PRDM16: variants seen among roughly 807,000 people sequenced by gnomAD.
The protein encoded by PRDM16 is histone-lysine N-methyltransferase PRDM16.
PRDM16 carries 23 observed loss-of-function variants against 110.6 expected under a neutral mutation model. That is an observed-to-expected ratio of 0.21 (90% CI 0.15 to 0.29). The LOEUF is 0.29. PRDM16 is among the 10% of genes least tolerant of loss of function. PRDM16 has a pLI of 1.00. For synonymous variants in PRDM16, 799 were observed against 781.8 expected (o/e 1.02, Z -0.37); for missense variants, 1,615 against 1,794.3 (o/e 0.90, Z 1.81).
chr1:3,146,547 G>A (rs544258660), intron 1 of PRDM16, among the ~76,000 whole-genome samples: 65 of 142,106 alleles, frequency 4.6e-4, no homozygotes, highest in African/African-American at 1.1e-3. Context: ...ACGTGTGTTC[G>A]GTGTGGGGTG....
At chr1:3,210,149 C>T (rs563076830) in intron 2 of PRDM16, among the ~76,000 whole-genome samples, 7 of 152,322 alleles carry the variant, frequency 4.6e-5, no homozygotes, top group South Asian at 4.1e-4. Context: ...CGCTATGTGC[C>T]GATGTGTTCC....
intron 9 of PRDM16, among the ~76,000 whole-genome samples, chr1:3,414,244 G>A (rs1643742503): frequency 6.6e-6 from 1 of 152,200 alleles, no homozygotes; most frequent in African/African-American, 2.4e-5. Context: ...AGGGGTGCTG[G>A]CAGCCAGGGG....
At chr1:3,280,047 G>A (rs1358821809) in intron 3 of PRDM16, among the ~76,000 whole-genome samples, 2 of 149,044 alleles carry the variant, frequency 1.3e-5, no homozygotes, top group South Asian at 2.1e-4. Context: ...AAACAAGCAG[G>A]GTGAAAAAAA....
At chr1:3,399,050 G>A (rs751319976) in intron 5 of PRDM16, among the ~76,000 whole-genome samples, 9 of 152,162 alleles carry the variant, frequency 5.9e-5, no homozygotes, top group Non-Finnish European at 1.2e-4. Context: ...TTCAGACCAC[G>A]GGGAAGCCAC....
At chr1:3,072,036 A>G (rs1386365533) in intron 1 of PRDM16, among the ~76,000 whole-genome samples, 1 of 152,198 alleles carries the variant, frequency 6.6e-6, no homozygotes, top group African/African-American at 2.4e-5. Flanking sequence ...GGGGCACCCA[A>G]GCCGGGGCTG....
chr1:3,321,935 G>C (rs979232093), intron 3 of PRDM16, among the ~76,000 whole-genome samples: 1 of 151,618 alleles, frequency 6.6e-6, no homozygotes. Flanking sequence ...ACATATGCGT[G>C]TATGTTTGGC....
intron 1 of PRDM16, among the ~76,000 whole-genome samples, chr1:3,085,901 C>G (rs1453153742): frequency 1.3e-5 from 2 of 152,260 alleles, no homozygotes; most frequent in African/African-American, 4.8e-5. Context: ...TGGCGTCCAG[C>G]AGGGCGCCCA....
chr1:3,224,467 A>C (rs4648371), intron 2 of PRDM16, among the ~76,000 whole-genome samples: 23,204 of 151,812 alleles, frequency 0.15, 2,338 homozygotes, highest in African/African-American at 0.27. Context: ...CCCCTTCCGC[A>C]TGTGCCCAGG....
At chr1:3,086,040 A>G (rs1333258529) in intron 1 of PRDM16, among the ~76,000 whole-genome samples, 1 of 152,226 alleles carries the variant, frequency 6.6e-6, no homozygotes, top group Non-Finnish European at 1.5e-5. Context: ...AGTCAGTCTC[A>G]GAATGCGTAC....
At chr1:3,121,221 C>T (rs557177036) in intron 1 of PRDM16, among the ~76,000 whole-genome samples, 114 of 152,264 alleles carry the variant, frequency 7.5e-4, no homozygotes, top group African/African-American at 2.7e-3. Flanking sequence ...CTGGTCAGGA[C>T]GGAGCCTGCC....
At chr1:3,431,840 GTGCA>G in intron 15 of PRDM16, 122 bp from the exon 16 acceptor site, 1 of 893,160 alleles carries the variant, frequency 1.1e-6, no homozygotes, top group East Asian at 2.5e-5. Flanking sequence ...CTGTCTCCCT[GTGCA>G]TGTGGCTGGC....
intron 2 of PRDM16, among the ~76,000 whole-genome samples, chr1:3,225,163 A>G (rs1159788605): frequency 1.3e-5 from 2 of 152,196 alleles, no homozygotes; most frequent in Admixed American, 6.5e-5. Context: ...TGGAAGGAAA[A>G]AAAAAGGCAT....
intron 2 of PRDM16, among the ~76,000 whole-genome samples, chr1:3,210,480 G>C (rs1286479767): frequency 6.6e-6 from 1 of 152,272 alleles, no homozygotes; most frequent in African/African-American, 2.4e-5. Flanking sequence ...TCATGGAAGT[G>C]TGTGCGTGCA....
rs373673865 is a variant in PRDM16, at chr1:3,169,691, G to T, written c.38-16434G>T. On this transcript the variant is annotated intron_variant, in intron 1 of 16. Coordinates refer to ENST00000270722, the MANE Select transcript of PRDM16 (RefSeq NM_022114.4). ...GCCCCCCACGGGCCCCCCAACACCC[G>T]CAAGGGCCTGCACCACTTCCACCGT... Among the ~76,000 whole-genome samples the T allele has an allele frequency of 3.5e-4, 54 of 152,226 alleles. No homozygotes were observed. The South Asian group carries it at 0.011, about 30-fold the overall frequency.
chr1:3,329,364 A>C (rs1434973900), intron 3 of PRDM16, among the ~76,000 whole-genome samples: 18 of 134,998 alleles, frequency 1.3e-4, no homozygotes, highest in South Asian at 2.6e-4. Context: ...CCAACCCACC[A>C]CCCCCCACCC....
rs1638800410 is a variant in PRDM16 at position 3,208,341 on chromosome 1, C to T, written c.387+21867C>T. 6.6e-6 allele frequency: 1 copy of T among 152,110 alleles called. No homozygotes were observed. Among genetic ancestry groups the T allele is most frequent in the Admixed American group, 6.5e-5 (1 of 15,278 alleles). The allele number at this position is 152,110 out of a possible 1,614,324, so 9.4% of individuals were successfully genotyped here. On this transcript the variant is annotated intron_variant, in intron 2 of 16. Coordinates refer to ENST00000270722, the MANE Select transcript of PRDM16 (RefSeq NM_022114.4). The surrounding 1 kb of genome is among the most constrained non-coding windows in gnomAD (Gnocchi z 6.1). ...CTGCACTGTAGGGTGTTTAGTGTGC[C>T]CGAGGCCACCCCGAGTGATGACGAC...
intron 14 of PRDM16, 107 bp downstream of exon 14, chr1:3,426,332 T>G: frequency 2.3e-6 from 2 of 871,120 alleles, no homozygotes; most frequent in Non-Finnish European, 3.5e-6. Context: ...CCCTAACACA[T>G]CCAGATAGGC....
chr1:3,079,958 C>G (rs4648452), intron 1 of PRDM16, among the ~76,000 whole-genome samples: 2 of 152,128 alleles, frequency 1.3e-5, no homozygotes, highest in African/African-American at 4.8e-5. Flanking sequence ...CCCTCCGTGG[C>G]GCCAGAGTTG....
rs1419572291 is a variant in PRDM16 at position 3,416,813 on chromosome 1, C to G, written c.2692-1015C>G. Among the ~76,000 whole-genome samples the G allele has an allele frequency of 2.0e-5, 3 of 152,360 alleles. No individual in the cohort carries two copies. The East Asian group carries it at 5.8e-4, about 29-fold the overall frequency. The stretch of plus-strand genomic sequence containing the variant: ...GGTGCCGAGGCCCGGGGTTTGTTCC[C>G]TGTTTTGCCTTTTGCTACCCCTCAG... On this transcript the variant is annotated intron_variant, in intron 10 of 16. Transcript: ENST00000270722.
Sources: allele counts gnomAD v4.1 joint callset (sites outside exome capture counted in the v4.1 genomes callset), GRCh38; gene constraint gnomAD v4.1.1; non-coding constraint Gnocchi (gnomAD v3.1); transcripts MANE v1.5; gene names NCBI Gene and HGNC (gene_info 2026-07-23, HGNC 2026-07-21).